The following DENND3 variants were observed in gnomAD, a reference collection of about 807,000 sequenced individuals.
The protein encoded by DENND3 is DENN domain containing 3, also known as DENN domain-containing protein 3.
Under a neutral mutation model 135.1 loss-of-function variants are expected in DENND3, and 88 were observed. The ratio of observed to expected loss-of-function variants is 0.65; its 90% confidence interval spans 0.55 to 0.78. The LOEUF (loss-of-function observed/expected upper bound fraction) is 0.78. DENND3 is among the 30% of genes least tolerant of loss of function. The pLI, the probability that DENND3 is intolerant of heterozygous loss-of-function variation, is 0.00. For missense variants in DENND3, 1,392 were observed against 1,688.4 expected (o/e 0.82, Z 3.08); for synonymous variants, 693 against 712.3 (o/e 0.97, Z 0.43).
intron 5 of DENND3, chr8:141,150,414 T>A: frequency 2.6e-5 from 23 of 871,290 alleles, no homozygotes; most frequent in Non-Finnish European, 3.2e-5. Context: ...GAGCTTTGAC[T>A]ATTAAATTGT....
chr8:141,168,151 T>A lies in DENND3; in HGVS notation c.1901T>A (p.Leu634Gln). 1 of 1,614,244 alleles carries A rather than the reference T, an allele frequency of 6.2e-7. No individual in the cohort carries two copies. Among genetic ancestry groups the A allele is most frequent in the Non-Finnish European group, 8.5e-7 (1 of 1,180,050 alleles). ...TGCTTTCTGGCCCCCGATAACTCTC[T>A]GCTCCTGGCCCGCTATTTGTACCTC... ...AMCFLAPDNS[L>Q]LLARYLYLRG... The change falls in exon 13 of 23, where the codon CTG becomes CAG. Residue 634 changes from leucine to glutamine, a missense_variant. Transcript: ENST00000519811. The surrounding 1 kb of genome is among the most constrained non-coding windows in gnomAD (Gnocchi z 6.2).
At chr8:141,162,741 C>T (rs1025784547) in intron 9 of DENND3, among the ~76,000 whole-genome samples, 13 of 152,108 alleles carry the variant, frequency 8.5e-5, no homozygotes, top group Non-Finnish European at 1.8e-4. Context: ...TGGTGAAACC[C>T]CATCTCTACT....
At chr8:141,132,102 T>C (rs1346923479) in intron 1 of DENND3, among the ~76,000 whole-genome samples, 1 of 152,166 alleles carries the variant, frequency 6.6e-6, no homozygotes, top group Non-Finnish European at 1.5e-5. Flanking sequence ...AGTTGACACA[T>C]GCTGTGATAT....
intron 19 of DENND3, among the ~76,000 whole-genome samples, chr8:141,189,378 G>C (rs1205425074): frequency 6.6e-6 from 1 of 152,250 alleles, no homozygotes; most frequent in African/African-American, 2.4e-5. Flanking sequence ...CACCACACCC[G>C]GCCTTCCTGC....
At position 141,167,717 on chromosome 8, in the gene DENND3, A is replaced by G. The variant is rs1446335758; in HGVS notation, c.1754-287A>G. 6.6e-6 allele frequency among the ~76,000 whole-genome samples: 1 copy of G among 152,206 alleles called. No homozygotes were observed. Among genetic ancestry groups the G allele is most frequent in the Non-Finnish European group, 1.5e-5 (1 of 68,032 alleles). On this transcript the variant is annotated intron_variant, in intron 12 of 22. Coordinates refer to ENST00000519811, the MANE Select transcript of DENND3 (RefSeq NM_001352890.3). This position sits in a 1 kb window ranked among gnomAD's most constrained non-coding sequence, Gnocchi z 4.1. ...CTTAGGCTATTAGCTTCATCCTCAA[A>G]TAAAGCCTCAGTACCCGATACCTCA...
rs1043438190 is a variant in DENND3, at chr8:141,141,536, G to A, written c.623+212G>A. 5.1e-6 allele frequency: 3 copies of A among 584,838 alleles called. No homozygotes were observed. The highest frequency in any genetic ancestry group is 6.0e-6 in the Non-Finnish European group (2 of 333,240). 36.2% of individuals were successfully genotyped at this position (584,838 alleles called of 1,614,324 possible). A position where few individuals can be genotyped will look rare whatever the true frequency, so the allele number is the denominator to read the frequency against. On this transcript the variant is annotated intron_variant, in intron 4 of 22. Coordinates refer to ENST00000519811, the MANE Select transcript of DENND3 (RefSeq NM_001352890.3). This position sits in a 1 kb window ranked among gnomAD's most constrained non-coding sequence, Gnocchi z 5.3. ...TAAGGCTGGGGGCAGTGGGCAGGGG[G>A]TGTGGCAGCGGGCGCTCCTCTCTGT...
At chr8:141,169,658 T>C (rs896085574) in intron 13 of DENND3, among the ~76,000 whole-genome samples, 2 of 152,204 alleles carry the variant, frequency 1.3e-5, no homozygotes, top group African/African-American at 4.8e-5. Flanking sequence ...AGCTTTCTTT[T>C]CTGGCCATGT....
chr8:141,149,613 C>T (rs1170734553), intron 5 of DENND3, among the ~76,000 whole-genome samples: 3 of 152,216 alleles, frequency 2.0e-5, no homozygotes, highest in African/African-American at 7.2e-5. Context: ...CAGCCCTGGC[C>T]GGATGCTGTC....
chr8:141,189,176 C>T (rs1824343497), intron 19 of DENND3, 30 bp downstream of exon 19: 1 of 1,613,640 alleles, frequency 6.2e-7, no homozygotes. Context: ...GGAGAAGGGA[C>T]TGTTTGGCTT....
rs1257493187 is a variant in DENND3, at chr8:141,182,382, G to A, written c.2944+1528G>A. The A allele has an allele frequency of 1.0e-6, 1 of 985,418 alleles. No homozygotes were observed. The highest frequency in any genetic ancestry group is 4.7e-5 in the South Asian group (1 of 21,294). The allele number at this position is 985,418 out of a possible 1,614,324, so 61.0% of individuals were successfully genotyped here. ...GTGAGCAGGCAGCGTCATCAGGGCC[G>A]CCCCGCGTGAGCCCTACCTGATGTG... On this transcript the variant is annotated intron_variant, in intron 17 of 22. Transcript: ENST00000519811. This position sits in a 1 kb window ranked among gnomAD's most constrained non-coding sequence, Gnocchi z 5.9.
At chr8:141,172,276 CTT>C (rs1252116620) in intron 13 of DENND3, among the ~76,000 whole-genome samples, 1 of 151,480 alleles carries the variant, frequency 6.6e-6, no homozygotes, top group Non-Finnish European at 1.5e-5. Context: ...TGCACAGTGA[CTT>C]TGGGCATGCA....
In DENND3 at chr8:141,167,558, C is replaced by T. The variant is rs1055312117; in HGVS notation, c.1754-446C>T. ...CGCTGTGTACCTGGGACAAGTAACC[C>T]AGGCTGTGGAAGCCTCGGTTTCCGC... On this transcript the variant is annotated intron_variant, in intron 12 of 22. Coordinates refer to ENST00000519811, the MANE Select transcript of DENND3 (RefSeq NM_001352890.3). The surrounding 1 kb of genome is among the most constrained non-coding windows in gnomAD (Gnocchi z 4.1). Among the ~76,000 whole-genome samples, 2 of 152,208 alleles carry T rather than the reference C, an allele frequency of 1.3e-5. No homozygotes were observed. Among genetic ancestry groups the T allele is most frequent in the Non-Finnish European group, 1.5e-5 (1 of 68,030 alleles).
rs1291306408 is a variant in DENND3 at position 141,174,267 on chromosome 8, A to G, written c.2276-933A>G. ...CATGGGAGCGGGAACTCCTCTCTGC[A>G]TTTGAGAAAAGTGGCTCTGAGTGCC... On this transcript the variant is annotated intron_variant, in intron 13 of 22. Transcript: ENST00000519811. This position sits in a 1 kb window ranked among gnomAD's most constrained non-coding sequence, Gnocchi z 4.6. 6.6e-6 allele frequency among the ~76,000 whole-genome samples: 1 copy of G among 152,182 alleles called. No individual in the cohort carries two copies. Among genetic ancestry groups the G allele is most frequent in the Non-Finnish European group, 1.5e-5 (1 of 68,026 alleles).
rs1471398390 is a variant in DENND3 at position 141,157,562 on chromosome 8, T to C, written c.1196+1592T>C. The stretch of plus-strand genomic sequence containing the variant: ...CTGTACTTGCTTCTGGTGAAGCCTG[T>C]GATGCAGTCTGGATTTCAGTCAGCC... On this transcript the variant is annotated intron_variant, in intron 8 of 22. Coordinates refer to ENST00000519811, the MANE Select transcript of DENND3 (RefSeq NM_001352890.3). 3.0e-6 allele frequency: 3 copies of C among 985,776 alleles called. No homozygotes were observed. The African/African-American group carries it at 5.2e-5, about 17-fold the overall frequency. The allele number at this position is 985,776 out of a possible 1,614,324, so 61.1% of individuals were successfully genotyped here.
chr8:141,151,061 A>T, intron 6 of DENND3, 108 bp downstream of exon 6: 1 of 1,380,796 alleles, frequency 7.2e-7, no homozygotes, highest in Non-Finnish European at 9.5e-7. Flanking sequence ...CAATGCACCG[A>T]CTGGTATACT....
At chr8:141,185,300 A>G (rs753578413) in intron 18 of DENND3, 22 bp downstream of exon 18, 8 of 1,613,394 alleles carry the variant, frequency 5.0e-6, no homozygotes, top group Non-Finnish European at 6.8e-6. Flanking sequence ...AAGCGTCAGG[A>G]AAGAAGCCTC....
intron 16 of DENND3, among the ~76,000 whole-genome samples, chr8:141,178,618 A>G (rs1822697895): frequency 6.6e-6 from 1 of 152,152 alleles, no homozygotes; most frequent in South Asian, 2.1e-4. Flanking sequence ...ACCTGCTGAG[A>G]AGCTGGGAAC....
chr8:141,137,718 G>A lies in DENND3; in HGVS notation c.386-304G>A, dbSNP rs1474441015. ...ATAAGCACCCACCTCAGAACTTGGTGCTATTTCCTGGTCACAGGGATTATA... is the reference window on the plus strand; with the variant it reads ...ATAAGCACCCACCTCAGAACTTGGTACTATTTCCTGGTCACAGGGATTATA... On this transcript the variant is annotated intron_variant, in intron 2 of 22. Coordinates refer to ENST00000519811, the MANE Select transcript of DENND3 (RefSeq NM_001352890.3). This position sits in a 1 kb window ranked among gnomAD's most constrained non-coding sequence, Gnocchi z 4.1. 6.6e-6 allele frequency among the ~76,000 whole-genome samples: 1 copy of A among 152,226 alleles called. No individual in the cohort carries two copies. Among genetic ancestry groups the A allele is most frequent in the Non-Finnish European group, 1.5e-5 (1 of 68,050 alleles).
intron 16 of DENND3, among the ~76,000 whole-genome samples, chr8:141,179,174 G>A (rs764073849): frequency 6.6e-6 from 1 of 152,210 alleles, no homozygotes; most frequent in Admixed American, 6.5e-5. Context: ...CCTCTCCCAC[G>A]TGACCCAGAG....
Sources: allele counts gnomAD v4.1 joint callset (sites outside exome capture counted in the v4.1 genomes callset), GRCh38; gene constraint gnomAD v4.1.1; non-coding constraint Gnocchi (gnomAD v3.1); transcripts MANE v1.5; gene names NCBI Gene and HGNC (gene_info 2026-07-23, HGNC 2026-07-21).